Variants in GTF2F2 observed in about 807,000 individuals in gnomAD.
GTF2F2 encodes general transcription factor IIF subunit 2.
A neutral mutation model predicts 42.2 loss-of-function variants in GTF2F2; 23 were observed. That is an observed-to-expected ratio of 0.55 (90% CI 0.39 to 0.77). GTF2F2 has a LOEUF of 0.77. Among genes scored for constraint, GTF2F2 ranks in the 30% least tolerant of loss-of-function variants. The pLI is 0.00. For missense variants in GTF2F2, 261 were observed against 287.2 expected (o/e 0.91, Z 0.66); for synonymous variants, 105 against 100.8 (o/e 1.04, Z -0.25).
At chr13:45,209,387 T>C (rs1167675805) in intron 5 of GTF2F2, among the ~76,000 whole-genome samples, 7 of 152,220 alleles carry the variant, frequency 4.6e-5, no homozygotes, top group African/African-American at 1.7e-4. Flanking sequence ...TAACAATGTA[T>C]TTCTCATGAG....
intron 5 of GTF2F2, among the ~76,000 whole-genome samples, chr13:45,230,872 T>C (rs747267468): frequency 3.3e-5 from 5 of 152,184 alleles, no homozygotes; most frequent in Non-Finnish European, 5.9e-5. Context: ...TTCATAAGGA[T>C]AAGACAGAAG....
intron 6 of GTF2F2, among the ~76,000 whole-genome samples, chr13:45,256,352 A>T (rs1876104090): frequency 6.6e-6 from 1 of 152,116 alleles, no homozygotes; most frequent in Non-Finnish European, 1.5e-5. Context: ...TGAGATACAT[A>T]CCCCTGGTGA....
chr13:45,191,891 A>T (rs1217239937), intron 4 of GTF2F2, among the ~76,000 whole-genome samples: 1 of 152,142 alleles, frequency 6.6e-6, no homozygotes, highest in African/African-American at 2.4e-5. Flanking sequence ...TGGATTTGAT[A>T]AAAAACCTTA....
intron 4 of GTF2F2, among the ~76,000 whole-genome samples, chr13:45,201,766 G>A (rs1054504760): frequency 7.2e-5 from 11 of 152,130 alleles, no homozygotes; most frequent in Non-Finnish European, 1.2e-4. Context: ...AAAGGAGTGC[G>A]GGGGAGAATT....
At chr13:45,210,563 AAT>A (rs1873591930) in intron 5 of GTF2F2, among the ~76,000 whole-genome samples, 1 of 152,192 alleles carries the variant, frequency 6.6e-6, no homozygotes, top group Admixed American at 6.5e-5. Flanking sequence ...TCCCTCCTGC[AAT>A]ATAAGTTCCC....
chr13:45,281,157 G>T (rs561451636), intron 7 of GTF2F2, among the ~76,000 whole-genome samples: 9 of 152,208 alleles, frequency 5.9e-5, no homozygotes, highest in African/African-American at 2.2e-4. Context: ...TCATTCACAC[G>T]GGTCTGCTAG....
chr13:45,132,144 T>C (rs1358063152), intron 1 of GTF2F2, among the ~76,000 whole-genome samples: 1 of 152,214 alleles, frequency 6.6e-6, no homozygotes, highest in Non-Finnish European at 1.5e-5. Flanking sequence ...AATTATCTAT[T>C]GGTATATAAC....
At chr13:45,183,125 A>G (rs182066346) in intron 4 of GTF2F2, among the ~76,000 whole-genome samples, 3 of 152,224 alleles carry the variant, frequency 2.0e-5, no homozygotes, top group Admixed American at 2.0e-4. Context: ...CATAGTGGTT[A>G]AGAGCTTGGC....
At chr13:45,262,703 G>C (rs1876395474) in intron 6 of GTF2F2, among the ~76,000 whole-genome samples, 1 of 152,152 alleles carries the variant, frequency 6.6e-6, no homozygotes, top group African/African-American at 2.4e-5. Context: ...ACAGGTGTGA[G>C]CCACTGCGCC....
chr13:45,144,050 G>A (rs182446743), intron 2 of GTF2F2, among the ~76,000 whole-genome samples: 1 of 152,038 alleles, frequency 6.6e-6, no homozygotes, highest in East Asian at 1.9e-4. Flanking sequence ...TCAGGAGTTC[G>A]AGACCAGCCT....
At chr13:45,213,669 C>A (rs1252481672) in intron 5 of GTF2F2, among the ~76,000 whole-genome samples, 1 of 144,686 alleles carries the variant, frequency 6.9e-6, no homozygotes, top group Non-Finnish European at 1.5e-5. Flanking sequence ...TCCTTTCCTT[C>A]CTTTCTTTTT....
intron 5 of GTF2F2, among the ~76,000 whole-genome samples, chr13:45,241,287 G>A (rs1390200679): frequency 6.6e-6 from 1 of 151,886 alleles, no homozygotes; most frequent in Non-Finnish European, 1.5e-5. Flanking sequence ...CTAGAGCTGA[G>A]TACTTGCTAC....
At chr13:45,161,468 C>G (rs1792167125) in intron 4 of GTF2F2, among the ~76,000 whole-genome samples, 1 of 152,112 alleles carries the variant, frequency 6.6e-6, no homozygotes, top group African/African-American at 2.4e-5. Context: ...AATAGAGACA[C>G]TCCTCCCCCC....
At chr13:45,204,688 T>TC (rs1873345718) in intron 4 of GTF2F2, among the ~76,000 whole-genome samples, 1 of 152,132 alleles carries the variant, frequency 6.6e-6, no homozygotes, top group South Asian at 2.1e-4. Context: ...GGGGGCTGCA[T>TC]CAGGAGTAAA....
Position 45,200,355 on chromosome 13 carries a change from C to G in GTF2F2, c.305-7069C>G, listed in dbSNP as rs1430728468. Among the ~76,000 whole-genome samples, 6 of 152,138 alleles carry G rather than the reference C, an allele frequency of 3.9e-5. 1 individual carries two copies. Among genetic ancestry groups the G allele is most frequent in the Admixed American group, 3.9e-4 (6 of 15,274 alleles). ...TTTTATTTTTTGATACAGGGTCTTG[C>G]TCTGTCACCCAGGCTGGAGTGTATT... On this transcript the variant is annotated intron_variant, in intron 4 of 7. Transcript: ENST00000340473.
chr13:45,138,837 G>A (rs1387931653), intron 2 of GTF2F2, among the ~76,000 whole-genome samples: 1 of 152,138 alleles, frequency 6.6e-6, no homozygotes, highest in African/African-American at 2.4e-5. Flanking sequence ...GTAGAGACGG[G>A]GTTTCGCCAT....
intron 4 of GTF2F2, among the ~76,000 whole-genome samples, chr13:45,174,500 T>C (rs920178603): frequency 7.9e-5 from 12 of 152,144 alleles, no homozygotes; most frequent in African/African-American, 2.9e-4. Flanking sequence ...CTTTTTCTTT[T>C]ATAATTTTAG....
In GTF2F2 at chr13:45,181,200, A is replaced by AAAAAAAC. The variant is rs766375703; in HGVS notation, c.305-26221_305-26220insAAACAAA. On this transcript the variant is annotated intron_variant, in intron 4 of 7. Coordinates refer to ENST00000340473, the MANE Select transcript of GTF2F2 (RefSeq NM_004128.3). ...AAAAAACAAACAAACAAAAAAAAAA[A>AAAAAAAC]AAACCAGAAAAACCAAAGGTGATAT... is the stretch of plus-strand genomic sequence containing the variant. Among the ~76,000 whole-genome samples the AAAAAAAC allele has an allele frequency of 5.6e-3, 744 of 132,638 alleles. 33 individuals are homozygous for AAAAAAAC. The highest frequency in any genetic ancestry group is 7.6e-3 in the Non-Finnish European group (461 of 60,554). The allele number at this position is 132,638 out of a possible 152,430, so 87.0% of individuals were successfully genotyped here.
chr13:45,167,866 C>T (rs1024808221), intron 4 of GTF2F2, among the ~76,000 whole-genome samples: 4 of 152,140 alleles, frequency 2.6e-5, no homozygotes, highest in African/African-American at 9.7e-5. Context: ...TGTTTCCCCC[C>T]AGTCTAAAAG....
Sources: gnomAD v4.1 joint callset for allele counts (sites outside exome capture counted in the v4.1 genomes callset) on GRCh38, gnomAD v4.1.1 for gene constraint, MANE v1.5 for transcripts, NCBI Gene and HGNC (gene_info 2026-07-23, HGNC 2026-07-21) for gene names.